MORC1: variants seen among roughly 807,000 people sequenced by gnomAD.
MORC1 encodes the protein MORC family CW-type zinc finger 1, also known as MORC family CW-type zinc finger protein 1.
In MORC1, 59 loss-of-function variants were observed where a neutral mutation model predicts 134.9. That is an observed-to-expected ratio of 0.44 (90% CI 0.35 to 0.54). The LOEUF is 0.54. Among genes scored for constraint, MORC1 ranks in the 20% least tolerant of loss-of-function variants. MORC1 has a pLI of 0.00. For synonymous variants in MORC1, 395 were observed against 391.7 expected (o/e 1.01, Z -0.10); for missense variants, 947 against 1,134.5 (o/e 0.83, Z 2.37).
intron 24 of MORC1, 24 bp downstream of exon 24, chr3:108,979,491 A>T (rs1947651599): frequency 6.2e-7 from 1 of 1,610,766 alleles, no homozygotes; most frequent in Non-Finnish European, 8.5e-7. Flanking sequence ...AAGCATGTGG[A>T]AATATGTGAG....
rs539140370 is a variant in MORC1, at chr3:109,069,593, T to C, written c.815+39A>G. 11 of 1,518,814 alleles carry C rather than the reference T, an allele frequency of 7.2e-6. No homozygotes were observed. The South Asian group carries it at 1.0e-4, about 14-fold the overall frequency. 94.1% of individuals were successfully genotyped at this position (1,518,814 alleles called of 1,614,324 possible). A position where few individuals can be genotyped will look rare whatever the true frequency, so the allele number is the denominator to read the frequency against. Reference sequence around the variant, plus strand: ...TTGGGGAGCATATCAATTTTATAAATAAAAACTCTGTGAAGATAACTGAAG... The same window carrying C: ...TTGGGGAGCATATCAATTTTATAAACAAAAACTCTGTGAAGATAACTGAAG... On this transcript the variant is annotated intron_variant, in intron 9 of 27. Coordinates refer to ENST00000232603, the MANE Select transcript of MORC1 (RefSeq NM_014429.4).
chr3:109,094,722 G>A (rs1452546891), intron 7 of MORC1, among the ~76,000 whole-genome samples, 187 bp downstream of exon 7: 1 of 151,802 alleles, frequency 6.6e-6, no homozygotes. Context: ...CCAGTGTCAG[G>A]GATTTACAGT....
intron 8 of MORC1, among the ~76,000 whole-genome samples, chr3:109,082,207 C>T (rs1396103676): frequency 6.6e-6 from 1 of 151,672 alleles, no homozygotes; most frequent in Non-Finnish European, 1.5e-5. Flanking sequence ...GGTTATAGCA[C>T]CACCTAGTGC....
At chr3:109,110,855 A>G (rs924000534) in intron 2 of MORC1, 72 bp from the exon 3 acceptor site, 2 of 1,166,432 alleles carry the variant, frequency 1.7e-6, no homozygotes, top group African/African-American at 3.2e-5. Context: ...ACCTATTGTC[A>G]GATATCAAAC....
chr3:109,032,878 T>C (rs1187287431), intron 15 of MORC1, 53 bp from the exon 16 acceptor site: 24 of 1,164,632 alleles, frequency 2.1e-5, no homozygotes, highest in Admixed American at 3.9e-5. Flanking sequence ...GAATCTATCA[T>C]AGTAAGATGT....
chr3:109,005,320 A>G lies in MORC1; in HGVS notation c.1768-5T>C. On this transcript the variant is annotated splice_polypyrimidine_tract_variant and splice_region_variant and intron_variant, in intron 18 of 27. Coordinates refer to ENST00000232603, the MANE Select transcript of MORC1 (RefSeq NM_014429.4). ...TTTCTGGGTTTTGGTATTTTCCTTA[A>G]ATAACAAAGAACATGTTTTTATTTT... 3 of 1,578,008 alleles carry G rather than the reference A, an allele frequency of 1.9e-6. No homozygotes were observed. Among genetic ancestry groups the G allele is most frequent in the Non-Finnish European group, 2.6e-6 (3 of 1,168,722 alleles).
At chr3:109,116,191 A>G (rs1951269574) in intron 1 of MORC1, among the ~76,000 whole-genome samples, 1 of 152,148 alleles carries the variant, frequency 6.6e-6, no homozygotes. Context: ...TGTTTTAAGA[A>G]AAGGGGCGTA....
chr3:109,072,429 G>C (rs983952145), intron 8 of MORC1, among the ~76,000 whole-genome samples: 7 of 152,030 alleles, frequency 4.6e-5, no homozygotes, highest in African/African-American at 1.7e-4. Context: ...CCCTCCTTCT[G>C]TACTTCCCGC....
At chr3:109,011,924 C>T (rs1448062374) in intron 17 of MORC1, among the ~76,000 whole-genome samples, 1 of 152,176 alleles carries the variant, frequency 6.6e-6, no homozygotes, top group African/African-American at 2.4e-5. Context: ...AATTTCTTAA[C>T]AATGTCTTTT....
At position 109,099,352 on chromosome 3, in the gene MORC1, T is replaced by C. The variant is rs758000011; in HGVS notation, c.423+6A>G. The stretch of plus-strand genomic sequence containing the variant: ...ATGGGAACAGAAGGAAAACTTCAAC[T>C]CTTACCTCACTAAGACTTTCTTCTT... On this transcript the variant is annotated splice_donor_region_variant and intron_variant, in intron 6 of 27. Coordinates refer to ENST00000232603, the MANE Select transcript of MORC1 (RefSeq NM_014429.4). 3.8e-6 allele frequency: 6 copies of C among 1,599,180 alleles called. No individual in the cohort carries two copies. In the South Asian group the frequency reaches 5.6e-5, roughly 15 times the overall value.
At chr3:108,999,728 C>G (rs751836349) in intron 21 of MORC1, among the ~76,000 whole-genome samples, 20 of 152,052 alleles carry the variant, frequency 1.3e-4, no homozygotes, top group Non-Finnish European at 2.8e-4. Context: ...GTTACTCTTA[C>G]GCGGGTTAAA....
chr3:109,044,695 A>G (rs1020653118), intron 14 of MORC1, among the ~76,000 whole-genome samples: 1 of 152,188 alleles, frequency 6.6e-6, no homozygotes, highest in African/African-American at 2.4e-5. Context: ...CTGTAATCCC[A>G]GCACTTTGGG....
At chr3:109,109,209 C>T (rs1951107785) in intron 3 of MORC1, among the ~76,000 whole-genome samples, 3 of 152,152 alleles carry the variant, frequency 2.0e-5, no homozygotes, top group South Asian at 4.2e-4. Context: ...GTTCTCTTAT[C>T]CTGCTTTATT....
intron 17 of MORC1, among the ~76,000 whole-genome samples, chr3:109,017,525 A>T (rs1289199078): frequency 6.6e-6 from 1 of 152,210 alleles, no homozygotes; most frequent in Non-Finnish European, 1.5e-5. Flanking sequence ...AGAGATTTCC[A>T]CTAATAGATA....
intron 9 of MORC1, among the ~76,000 whole-genome samples, chr3:109,069,337 A>T (rs754991257): frequency 6.6e-6 from 1 of 152,228 alleles, no homozygotes; most frequent in Non-Finnish European, 1.5e-5. Context: ...AACTGTGATC[A>T]TTTAGTGGAA....
intron 8 of MORC1, among the ~76,000 whole-genome samples, chr3:109,079,196 T>C (rs1950480641): frequency 6.6e-6 from 1 of 152,080 alleles, no homozygotes; most frequent in Admixed American, 6.5e-5. Flanking sequence ...GCCAGTCTCA[T>C]GTGCAAACAT....
intron 27 of MORC1, among the ~76,000 whole-genome samples, chr3:108,961,061 C>T (rs1029294428): frequency 6.6e-6 from 1 of 152,188 alleles, no homozygotes; most frequent in African/African-American, 2.4e-5. Context: ...TCTTGGCTGA[C>T]TGATCTAAAT....
chr3:109,100,814 C>G (rs981985826), intron 4 of MORC1, among the ~76,000 whole-genome samples: 3 of 152,146 alleles, frequency 2.0e-5, no homozygotes, highest in African/African-American at 7.2e-5. Flanking sequence ...TCATTATTCT[C>G]TAAACAACAA....
chr3:109,014,067 G>C lies in MORC1; in HGVS notation c.1705-6976C>G, dbSNP rs572691689. Among the ~76,000 whole-genome samples the C allele has an allele frequency of 4.6e-5, 7 of 152,316 alleles. No homozygotes were observed. The South Asian group carries it at 1.5e-3, about 32-fold the overall frequency. ...TATTTTGTTATAGTATCACAAAAGAGACTAAGACAGTTTCCTAGTTTGACT... is the reference window on the plus strand; with the variant it reads ...TATTTTGTTATAGTATCACAAAAGACACTAAGACAGTTTCCTAGTTTGACT... On this transcript the variant is annotated intron_variant, in intron 17 of 27. Transcript: ENST00000232603.
Sources: gnomAD v4.1 joint callset for allele counts (sites outside exome capture counted in the v4.1 genomes callset) on GRCh38, gnomAD v4.1.1 for gene constraint, MANE v1.5 for transcripts, NCBI Gene and HGNC (gene_info 2026-07-23, HGNC 2026-07-21) for gene names.